GOLGA3: variants seen among roughly 807,000 people sequenced by gnomAD.
The protein encoded by GOLGA3 is golgin subfamily A member 3.
GOLGA3 carries 75 observed loss-of-function variants against 169.4 expected under a neutral mutation model. That is an observed-to-expected ratio of 0.44 (90% CI 0.37 to 0.54). The LOEUF (loss-of-function observed/expected upper bound fraction) is 0.54. GOLGA3 is among the 20% of genes least tolerant of loss of function. GOLGA3 has a pLI of 0.00. For synonymous variants in GOLGA3, 824 were observed against 822.4 expected, an observed-to-expected ratio of 1.00 and a Z score of -0.03; for missense variants, 1,899 against 1,930.0, an observed-to-expected ratio of 0.98 and a Z score of 0.30.
At chr12:132,814,276 G>A (rs1191495079) in intron 3 of GOLGA3, among the ~76,000 whole-genome samples, 2 of 151,934 alleles carry the variant, frequency 1.3e-5, no homozygotes, top group East Asian at 3.9e-4. Flanking sequence ...CGCCCACCTC[G>A]GCCTCTCAAA....
chr12:132,828,374 C>G (rs547635747), intron 1 of GOLGA3: 1 of 152,440 alleles, frequency 6.6e-6, no homozygotes, highest in African/African-American at 2.4e-5. Flanking sequence ...GGAATGAAGA[C>G]AAGTCGGCCA....
At chr12:132,812,022 AAC>A (rs1949737025) in intron 4 of GOLGA3, among the ~76,000 whole-genome samples, 8 of 149,560 alleles carry the variant, frequency 5.3e-5, no homozygotes, top group African/African-American at 1.7e-4. Context: ...AAAAAAAAAA[AAC>A]ATTAAAAAAA....
At chr12:132,819,680 C>T (rs750594060) in intron 2 of GOLGA3, among the ~76,000 whole-genome samples, 1 of 152,224 alleles carries the variant, frequency 6.6e-6, no homozygotes, top group African/African-American at 2.4e-5. Flanking sequence ...CACTGAGACG[C>T]CTTTCATGCA....
chr12:132,812,231 T>TA (rs1566132306), intron 4 of GOLGA3, among the ~76,000 whole-genome samples: 3 of 103,948 alleles, frequency 2.9e-5, no homozygotes, highest in African/African-American at 1.0e-4. Context: ...ATATATATAT[T>TA]TTTTTTAACT....
chr12:132,787,618 CCGGGACCCCTCCCCGGAGACCA>C (rs1566087692), intron 13 of GOLGA3, among the ~76,000 whole-genome samples: 30 of 114,900 alleles, frequency 2.6e-4, no homozygotes, highest in Admixed American at 3.4e-4. Flanking sequence ...CCCGGAGACC[CCGGGACCCCTCCCCGGAGACCA>C]CGGGACCCCT....
chr12:132,808,063 C>G lies in GOLGA3; in HGVS notation c.1006G>C (p.Val336Leu), dbSNP rs751129761. The G allele has an allele frequency of 3.8e-6, 6 of 1,597,166 alleles. No individual in the cohort carries two copies. In the South Asian group the frequency reaches 6.7e-5, roughly 18 times the overall value. ...RGTYGILSKT[V>L]GTQDTPYMVN... ...ATATAGGGGGTGTCCTGCGTGCCCA[C>G]TGTCTTCGACAGAATGCCATAGGTC... The change falls in exon 5 of 24, where the codon GTG becomes CTG. Residue 336 changes from valine (V) to leucine (L), a missense_variant. By Grantham distance (32) the Val-to-Leu change is conservative (BLOSUM62 1). Transcript: ENST00000450791.
intron 11 of GOLGA3, among the ~76,000 whole-genome samples, chr12:132,794,119 C>G (rs1437482925): frequency 6.6e-6 from 1 of 152,094 alleles, no homozygotes; most frequent in East Asian, 1.9e-4. Flanking sequence ...CACAGCGGCT[C>G]CCACAGTGGG....
chr12:132,817,060 C>A (rs1204982451), intron 2 of GOLGA3, among the ~76,000 whole-genome samples: 1 of 151,922 alleles, frequency 6.6e-6, no homozygotes, highest in Non-Finnish European at 1.5e-5. Flanking sequence ...GCCCTCCACA[C>A]CTCCACACTC....
rs2044995088 is a variant in GOLGA3, at chr12:132,773,193, G to C, written c.4409C>G (p.Pro1470Arg). ...GCCGGCGTGACCCCCCGGGGGCACA[G>C]GGCTGGCAGTGGCTGGCTCCAGCGG... The part of the protein sequence containing the change: ...WTPLEPATAS[P>R]VPPGGHAGPR... Residue 1470 changes from proline to arginine, a missense_variant, in exon 24 of 24, where the codon CCT (proline) becomes CGT (arginine). Pro to Arg is a moderately radical substitution (Grantham distance 103). Transcript: ENST00000450791. 6.3e-7 allele frequency: 1 copy of C among 1,585,820 alleles called. No individual in the cohort carries two copies. The highest frequency in any genetic ancestry group is 8.6e-7 in the Non-Finnish European group (1 of 1,164,912).
At position 132,796,534 on chromosome 12, in the gene GOLGA3, C is replaced by T; in HGVS notation, c.2100+5G>A. ...GGTCCAGCCTGAAGGGCTGCAGGGA[C>T]TTACCTGCTCCAGCTGCTGCTCCAG... On this transcript the variant is annotated splice_donor_5th_base_variant and intron_variant, in intron 10 of 23. Coordinates refer to ENST00000450791, the MANE Select transcript of GOLGA3 (RefSeq NM_001389683.1). The T allele has an allele frequency of 2.5e-6, 4 of 1,607,534 alleles. No individual in the cohort carries two copies. The highest frequency in any genetic ancestry group is 2.2e-5 in the South Asian group (2 of 90,784).
Position 132,808,390 on chromosome 12 carries a change from C to T in GOLGA3, c.679G>A (p.Gly227Arg), listed in dbSNP as rs1269013851. ...TTCTCCCTAGGATGTGCCGGAAGCC[C>T]CAGGCTGCCCACCTTAGGCCCCCGA... ...VPRGPKVGSL[G>R]LPAHPREKKT... Residue 227 changes from glycine (G) to arginine (R), a missense_variant, in exon 5 of 24, where the codon GGG (glycine) becomes AGG (arginine). By Grantham distance (125) the Gly-to-Arg change is moderately radical (BLOSUM62 -2). Coordinates refer to ENST00000450791, the MANE Select transcript of GOLGA3 (RefSeq NM_001389683.1). The T allele has an allele frequency of 1.9e-6, 3 of 1,614,054 alleles. No homozygotes were observed. In the Admixed American group the frequency reaches 5.0e-5, roughly 27 times the overall value.
chr12:132,796,518 T>C (rs1948847988), intron 10 of GOLGA3, 21 bp downstream of exon 10: 1 of 1,601,164 alleles, frequency 6.2e-7, no homozygotes, highest in African/African-American at 1.3e-5. Flanking sequence ...GGGTCCAGCC[T>C]GAAGGGCTGC....
At chr12:132,821,853 CAAAA>C (rs11301977) in intron 2 of GOLGA3, 139 bp downstream of exon 2, 2,020 of 389,516 alleles carry the variant, frequency 5.2e-3, no homozygotes, top group East Asian at 6.2e-3. Flanking sequence ...GACTCCGTCT[CAAAA>C]AAAAAAAAAA....
In GOLGA3 at chr12:132,808,210, T is replaced by C; in HGVS notation, c.859A>G (p.Ile287Val). The C allele has an allele frequency of 6.2e-7, 1 of 1,613,788 alleles. No individual in the cohort carries two copies. The highest frequency in any genetic ancestry group is 1.1e-5 in the South Asian group (1 of 91,080). ...RSSAASVVSE[I>V]SLSPDTDDRL... ...TCGTCAGTGTCGGGGGACAGGCTGATCTCAGACACAACGGACGCCGCACTG... is the reference window on the plus strand; with the variant it reads ...TCGTCAGTGTCGGGGGACAGGCTGACCTCAGACACAACGGACGCCGCACTG... The change falls in exon 5 of 24, where the codon ATC becomes GTC. Residue 287 changes from isoleucine (I) to valine (V), a missense_variant. Ile to Val is a conservative substitution (Grantham distance 29). Transcript: ENST00000450791.
At chr12:132,787,319 G>C (rs1409456673) in intron 13 of GOLGA3, among the ~76,000 whole-genome samples, 2 of 152,024 alleles carry the variant, frequency 1.3e-5, no homozygotes, top group African/African-American at 2.4e-5. Context: ...AGGCACAACA[G>C]GACATGACTG....
In GOLGA3 at chr12:132,804,052, G is replaced by C. The variant is rs564013907; in HGVS notation, c.1597+664C>G. ...GGGACTGGCCCGGGCGGGGACTGAG[G>C]GGGTGGAAGGCGTGCTGCCAAGCCA... is the stretch of plus-strand genomic sequence containing the variant. On this transcript the variant is annotated intron_variant, in intron 7 of 23. Transcript: ENST00000450791. The surrounding 1 kb of genome is among the most constrained non-coding windows in gnomAD (Gnocchi z 4.1). Among the ~76,000 whole-genome samples, 2 of 152,298 alleles carry C rather than the reference G, an allele frequency of 1.3e-5. No individual in the cohort carries two copies. Among genetic ancestry groups the C allele is most frequent in the South Asian group, 2.1e-4 (1 of 4,816 alleles).
chr12:132,801,271 G>A (rs975876937), intron 8 of GOLGA3, among the ~76,000 whole-genome samples: 7 of 152,226 alleles, frequency 4.6e-5, no homozygotes, highest in Non-Finnish European at 1.0e-4. Flanking sequence ...CGTGGTCCCC[G>A]TGTATCACTG....
intron 18 of GOLGA3, among the ~76,000 whole-genome samples, chr12:132,778,476 C>T (rs1178334640): frequency 6.7e-6 from 1 of 149,562 alleles, no homozygotes; most frequent in African/African-American, 2.5e-5. Context: ...GAGGCTGAGG[C>T]AGGAGAATGG....
In GOLGA3 at chr12:132,808,246, G is replaced by A. The variant is rs753108831; in HGVS notation, c.823C>T (p.Gln275Ter). 1 of 1,614,062 alleles carries A rather than the reference G, an allele frequency of 6.2e-7. No individual in the cohort carries two copies. Among genetic ancestry groups the A allele is most frequent in the South Asian group, 1.1e-5 (1 of 91,084 alleles). ...APDSTKGSLKQNRSSAASVVS... is the reference protein window; with the variant it reads ...APDSTKGSLK ...ACGGACGCCGCACTGCTTCTGTTCT[G>A]CTTCAGGGAACCCTTGGTAGAATCG... The change falls in exon 5 of 24, where the codon CAG (glutamine) becomes TAG (stop). Residue 275 changes from glutamine (Q) to a stop codon, truncating the protein, a stop_gained. Coordinates refer to ENST00000450791, the MANE Select transcript of GOLGA3 (RefSeq NM_001389683.1). LOFTEE classifies it high-confidence loss of function.
Sources: allele counts gnomAD v4.1 joint callset (sites outside exome capture counted in the v4.1 genomes callset), GRCh38; gene constraint gnomAD v4.1.1; non-coding constraint Gnocchi (gnomAD v3.1); transcripts MANE v1.5; gene names NCBI Gene and HGNC (gene_info 2026-07-23, HGNC 2026-07-21).